CRAMP1: variants seen among roughly 807,000 people sequenced by gnomAD.
CRAMP1 encodes protein cramped-like.
CRAMP1 carries 50 observed loss-of-function variants against 115.4 expected under a neutral mutation model. The ratio of observed to expected loss-of-function variants is 0.43; its 90% CI spans 0.35 to 0.55. The LOEUF is 0.55. Ranked by LOEUF, CRAMP1 falls within the 20% of genes least tolerant of loss-of-function variation. The pLI is 0.01. For missense variants in CRAMP1, 1,679 were observed against 1,721.7 expected, an observed-to-expected ratio of 0.98 and a Z score of 0.44; for synonymous variants, 866 against 745.4, an observed-to-expected ratio of 1.16 and a Z score of -2.64.
intron 6 of CRAMP1, chr16:1,645,338 C>T (rs990191928): frequency 1.2e-5 from 3 of 252,872 alleles, no homozygotes; most frequent in Admixed American, 4.9e-5. Flanking sequence ...AGGCGCCCAC[C>T]ACCACGCCCG....
chr16:1,634,617 G>A (rs1334699234), intron 4 of CRAMP1, among the ~76,000 whole-genome samples: 1 of 152,060 alleles, frequency 6.6e-6, no homozygotes, highest in East Asian at 1.9e-4. Context: ...GTGCATCTTT[G>A]GTGTGACCCC....
chr16:1,626,744 C>A (rs1252994288), intron 3 of CRAMP1, among the ~76,000 whole-genome samples: 1 of 152,186 alleles, frequency 6.6e-6, no homozygotes, highest in Non-Finnish European at 1.5e-5. Flanking sequence ...TGTGAGCATA[C>A]TTTTTAATTA....
At position 1,641,106 on chromosome 16, in the gene CRAMP1, G is replaced by A. The variant is rs1053740264; in HGVS notation, c.779-33G>A. 2.6e-6 allele frequency: 4 copies of A among 1,510,088 alleles called. No individual in the cohort carries two copies. The African/African-American group carries it at 4.1e-5, about 16-fold the overall frequency. The allele number at this position is 1,510,088 out of a possible 1,614,324, so 93.5% of individuals were successfully genotyped here. ...CAGTGGCTTTGCTCCTAACTACATT[G>A]TGGTCTCATTTATTTATTTTTTCCA... is the stretch of plus-strand genomic sequence containing the variant. On this transcript the variant is annotated intron_variant, in intron 5 of 20. Transcript: ENST00000397412.
At chr16:1,654,751 G>A (rs113624191) in intron 8 of CRAMP1, among the ~76,000 whole-genome samples, 26 of 152,332 alleles carry the variant, frequency 1.7e-4, no homozygotes, top group African/African-American at 5.1e-4. Flanking sequence ...GGAATCACAC[G>A]CAGAGGCCTC....
At chr16:1,633,727 G>A (rs1347546866) in intron 4 of CRAMP1, among the ~76,000 whole-genome samples, 1 of 152,032 alleles carries the variant, frequency 6.6e-6, no homozygotes, top group Non-Finnish European at 1.5e-5. Context: ...TTTCATTGTC[G>A]GCCTCTTCCT....
At chr16:1,651,644 T>C (rs1253531363) in intron 6 of CRAMP1, among the ~76,000 whole-genome samples, 1 of 120,990 alleles carries the variant, frequency 8.3e-6, no homozygotes, top group Non-Finnish European at 1.7e-5. Flanking sequence ...TAGAGGTGGA[T>C]TGAAGTCACA....
chr16:1,662,627 AAAG>A lies in CRAMP1; in HGVS notation c.2555_2557del (p.Glu852del). 6.2e-7 allele frequency: 1 copy of A among 1,614,038 alleles called. No homozygotes were observed. Among genetic ancestry groups the A allele is most frequent in the Non-Finnish European group, 8.5e-7 (1 of 1,179,900 alleles). The stretch of plus-strand genomic sequence containing the variant: ...ACACGGGAAGCTCTTCTCTCCCAGT[AAAG>A]AAGCAGAGCTGACTTTCCGCCAGCA... On this transcript the variant is annotated inframe_deletion, in exon 12 of 21. Coordinates refer to ENST00000397412, the MANE Select transcript of CRAMP1 (RefSeq NM_020825.4).
intron 10 of CRAMP1, 56 bp downstream of exon 10, chr16:1,657,048 T>G: frequency 7.1e-7 from 1 of 1,412,438 alleles, no homozygotes; most frequent in South Asian, 1.5e-5. Flanking sequence ...AGGCCCAGCC[T>G]TGGAGGGCTC....
intron 5 of CRAMP1, among the ~76,000 whole-genome samples, chr16:1,640,753 T>C (rs577696244): frequency 6.6e-6 from 1 of 152,200 alleles, no homozygotes; most frequent in South Asian, 2.1e-4. Context: ...CAGCAGGAAG[T>C]GTGCGTGGGC....
At chr16:1,621,614 G>C (rs2036466620) in intron 2 of CRAMP1, among the ~76,000 whole-genome samples, 1 of 152,196 alleles carries the variant, frequency 6.6e-6, no homozygotes, top group Non-Finnish European at 1.5e-5. Flanking sequence ...AGCTTGGGGA[G>C]GCCCTTTATC....
intron 5 of CRAMP1, among the ~76,000 whole-genome samples, chr16:1,638,210 CGG>C (rs1465838945): frequency 6.6e-6 from 1 of 152,202 alleles, no homozygotes; most frequent in African/African-American, 2.4e-5. Flanking sequence ...ATACCTCCAC[CGG>C]CATCACCTCA....
At chr16:1,661,014 C>CA (rs34310084) in intron 11 of CRAMP1, among the ~76,000 whole-genome samples, 3,366 of 148,580 alleles carry the variant, frequency 0.023, 229 homozygotes, top group Admixed American at 0.13. Flanking sequence ...ATCTCAAAAA[C>CA]AAAAAAAAAC....
intron 3 of CRAMP1, among the ~76,000 whole-genome samples, chr16:1,627,597 C>T (rs572149831): frequency 3.9e-5 from 6 of 152,320 alleles, no homozygotes; most frequent in Admixed American, 1.3e-4. Context: ...GGGTCGCTCC[C>T]GCCCTGGGCT....
chr16:1,662,463 C>A, intron 11 of CRAMP1, 27 bp from the exon 12 acceptor site: 2 of 1,588,772 alleles, frequency 1.3e-6, no homozygotes, highest in South Asian at 1.1e-5. Context: ...AATGCTGTCA[C>A]ACTGATTCTC....
chr16:1,642,430 A>G (rs1156690145), intron 6 of CRAMP1, among the ~76,000 whole-genome samples: 1 of 152,222 alleles, frequency 6.6e-6, no homozygotes, highest in African/African-American at 2.4e-5. Flanking sequence ...GACCACAGCC[A>G]CCAGAAAGTG....
chr16:1,628,666 TGTGG>T (rs2036525427), intron 3 of CRAMP1, among the ~76,000 whole-genome samples: 1 of 152,194 alleles, frequency 6.6e-6, no homozygotes, highest in South Asian at 2.1e-4. Flanking sequence ...ACCCTCAAGC[TGTGG>T]GGTGACGGTG....
At chr16:1,627,587 G>T (rs546385711) in intron 3 of CRAMP1, among the ~76,000 whole-genome samples, 1 of 152,328 alleles carries the variant, frequency 6.6e-6, no homozygotes, top group African/African-American at 2.4e-5. Context: ...GCTGTGGCCA[G>T]GGTCGCTCCC....
chr16:1,658,567 A>G (rs2036795935), intron 10 of CRAMP1, among the ~76,000 whole-genome samples: 1 of 152,126 alleles, frequency 6.6e-6, no homozygotes, highest in Non-Finnish European at 1.5e-5. Flanking sequence ...CTGGACAGAC[A>G]GACAGACAGG....
At chr16:1,641,273 T>C in intron 6 of CRAMP1, 86 bp downstream of exon 6, 2 of 985,894 alleles carry the variant, frequency 2.0e-6, no homozygotes, top group Non-Finnish European at 1.6e-6. Flanking sequence ...ATGCTCTCAG[T>C]GAGGACCTTC....
Sources: allele counts gnomAD v4.1 joint callset (sites outside exome capture counted in the v4.1 genomes callset), GRCh38; gene constraint gnomAD v4.1.1; transcripts MANE v1.5; gene names NCBI Gene and HGNC (gene_info 2026-07-23, HGNC 2026-07-21).